Variants in GRHL2 observed in about 807,000 individuals in gnomAD.
GRHL2 encodes the protein grainyhead-like protein 2 homolog.
A neutral mutation model predicts 83.8 loss-of-function variants in GRHL2; 21 were observed. The ratio of observed to expected loss-of-function variants is 0.25; its 90% CI spans 0.18 to 0.36. The LOEUF (loss-of-function observed/expected upper bound fraction) is 0.36. Ranked by LOEUF, GRHL2 falls within the 10% of genes least tolerant of loss-of-function variation. The pLI is 1.00. For synonymous variants in GRHL2, 280 were observed against 278.9 expected, an observed-to-expected ratio of 1.00 and a Z score of -0.04; for missense variants, 623 against 781.8, an observed-to-expected ratio of 0.80 and a Z score of 2.42.
chr8:101,673,095 A>T (rs1459488073), downstream of GRHL2, among the ~76,000 whole-genome samples: 12 of 151,420 alleles, frequency 7.9e-5, no homozygotes, highest in Non-Finnish European at 1.5e-5. Flanking sequence ...GCCGCTGCAA[A>T]ATCATGCCAA....
At chr8:101,606,453 G>A (rs1812636546) in intron 8 of GRHL2, among the ~76,000 whole-genome samples, 2 of 152,238 alleles carry the variant, frequency 1.3e-5, no homozygotes, top group Admixed American at 1.3e-4. Flanking sequence ...CTGAGAGCCA[G>A]TCTCAGGGAG....
chr8:101,520,042 C>T (rs1159060345), intron 1 of GRHL2, among the ~76,000 whole-genome samples: 1 of 152,162 alleles, frequency 6.6e-6, no homozygotes, highest in Admixed American at 6.5e-5. Context: ...TTAGATCAAA[C>T]TTATCATAAA....
intron 3 of GRHL2, among the ~76,000 whole-genome samples, chr8:101,554,671 A>G (rs1307352898): frequency 3.9e-5 from 6 of 152,256 alleles, no homozygotes; most frequent in Admixed American, 3.9e-4. Flanking sequence ...ATATAGTATC[A>G]TTACAACTGT....
chr8:101,538,415 T>C (rs891193757), intron 1 of GRHL2, among the ~76,000 whole-genome samples: 8 of 151,914 alleles, frequency 5.3e-5, no homozygotes, highest in African/African-American at 1.2e-4. Flanking sequence ...AGAGAAGTCA[T>C]GGATTAAAGA....
chr8:101,586,065 C>CTTTTTT lies in GRHL2; in HGVS notation c.1003+8566_1003+8571dup, dbSNP rs67985027. Among the ~76,000 whole-genome samples the CTTTTTT allele has an allele frequency of 3.9e-3, 370 of 94,230 alleles. 41 individuals are homozygous for CTTTTTT. Among genetic ancestry groups the CTTTTTT allele is most frequent in the African/African-American group, 0.014 (331 of 23,210 alleles). 61.8% of individuals were successfully genotyped at this position (94,230 alleles called of 152,430 possible). Reference sequence around the variant, plus strand: ...TCTTCTTTCCTTCCACCTCATGTTTCTTTTTTTTTTTTTTTTTTTTTTTTT... The same window carrying CTTTTTT: ...TCTTCTTTCCTTCCACCTCATGTTTCTTTTTTTTTTTTTTTTTTTTTTTTTTTTTTT... On this transcript the variant is annotated intron_variant, in intron 7 of 15. Transcript: ENST00000646743.
chr8:101,558,769 C>A lies in GRHL2; in HGVS notation c.635C>A (p.Pro212Gln), dbSNP rs1202888034. The stretch of plus-strand genomic sequence containing the variant: ...CTCAAAGACGACCAGCGCAGCACTC[C>A]GGACAGCACATACAGCGAGAGCTTC... ...AYLKDDQRSTPDSTYSESFKD... is the reference protein window; with the variant it reads ...AYLKDDQRSTQDSTYSESFKD... Residue 212 changes from proline to glutamine, a missense_variant, in exon 4 of 16, where the codon CCG (proline) becomes CAG (glutamine). Pro to Gln is a moderately conservative substitution (Grantham distance 76). Around this residue, in one of 8 missense-constraint regions of GRHL2, gnomAD observed 239 missense variants for 240.5 expected, o/e 0.99. Transcript: ENST00000646743. 1.9e-6 allele frequency: 3 copies of A among 1,614,110 alleles called. No individual in the cohort carries two copies. Among genetic ancestry groups the A allele is most frequent in the South Asian group, 1.1e-5 (1 of 91,068 alleles).
At chr8:101,550,650 G>A (rs1047887453) in intron 2 of GRHL2, among the ~76,000 whole-genome samples, 4 of 152,176 alleles carry the variant, frequency 2.6e-5, no homozygotes, top group African/African-American at 9.7e-5. Flanking sequence ...TAAGTGTCCA[G>A]TTCTGTGGCA....
chr8:101,538,197 A>G (rs1441468539), intron 1 of GRHL2, among the ~76,000 whole-genome samples: 2 of 152,172 alleles, frequency 1.3e-5, no homozygotes, highest in African/African-American at 4.8e-5. Context: ...GGAAAATGTT[A>G]TGTGTTAAGC....
chr8:101,651,913 A>G (rs577434370), intron 14 of GRHL2, among the ~76,000 whole-genome samples: 1 of 152,312 alleles, frequency 6.6e-6, no homozygotes, highest in African/African-American at 2.4e-5. Flanking sequence ...TGCAAATGGG[A>G]AAGCTGTGCA....
intron 2 of GRHL2, among the ~76,000 whole-genome samples, chr8:101,549,931 A>T (rs902707379): frequency 1.3e-5 from 2 of 151,826 alleles, no homozygotes; most frequent in South Asian, 4.2e-4. Flanking sequence ...CACTATAGGA[A>T]TAACTATATT....
chr8:101,568,713 AT>A (rs1201292641), intron 4 of GRHL2, among the ~76,000 whole-genome samples: 1 of 152,078 alleles, frequency 6.6e-6, no homozygotes, highest in Non-Finnish European at 1.5e-5. Flanking sequence ...GCCCCAGAAA[AT>A]TCCCATTGAA....
downstream of GRHL2, among the ~76,000 whole-genome samples, chr8:101,671,968 C>T (rs1235755584): frequency 1.3e-5 from 2 of 152,110 alleles, no homozygotes; most frequent in Non-Finnish European, 2.9e-5. Flanking sequence ...TTCTAGCAAA[C>T]TCCAACAGAC....
intron 14 of GRHL2, among the ~76,000 whole-genome samples, chr8:101,664,062 T>A (rs1813987775): frequency 6.6e-6 from 1 of 152,246 alleles, no homozygotes; most frequent in South Asian, 2.1e-4. Flanking sequence ...TCTACTTTTA[T>A]GGTTTCATCT....
intron 2 of GRHL2, among the ~76,000 whole-genome samples, chr8:101,545,728 G>T (rs59686866): frequency 6.6e-6 from 1 of 151,964 alleles, no homozygotes; most frequent in African/African-American, 2.4e-5. Context: ...CTCATCCTTA[G>T]AAAGAAATTG....
intron 9 of GRHL2, among the ~76,000 whole-genome samples, chr8:101,623,673 GACAGTTT>G (rs1486058754): frequency 1.3e-5 from 2 of 150,992 alleles, no homozygotes; most frequent in African/African-American, 4.9e-5. Flanking sequence ...TACACAGTAG[GACAGTTT>G]ACAGTACACA....
intron 4 of GRHL2, among the ~76,000 whole-genome samples, chr8:101,564,423 G>C (rs924193249): frequency 3.9e-5 from 6 of 152,176 alleles, no homozygotes; most frequent in African/African-American, 1.4e-4. Flanking sequence ...GTGTGTATGT[G>C]CACGTGCATG....
chr8:101,639,632 C>T (rs1340941550), intron 12 of GRHL2, among the ~76,000 whole-genome samples: 4 of 152,232 alleles, frequency 2.6e-5, no homozygotes, highest in Non-Finnish European at 5.9e-5. Context: ...TATTGAGAGA[C>T]AGGCCCTCCC....
At chr8:101,648,613 A>G (rs1813560460) in intron 13 of GRHL2, among the ~76,000 whole-genome samples, 4 of 152,168 alleles carry the variant, frequency 2.6e-5, no homozygotes, top group South Asian at 2.1e-4. Context: ...GGCCCACAGC[A>G]GGGGTTGCAC....
intron 1 of GRHL2, among the ~76,000 whole-genome samples, chr8:101,496,158 A>G (rs945541113): frequency 2.0e-5 from 3 of 151,620 alleles, no homozygotes; most frequent in African/African-American, 7.3e-5. Flanking sequence ...AAAAAAAAAA[A>G]AAAAAAATAC....
Sources: gnomAD v4.1 joint callset for allele counts (sites outside exome capture counted in the v4.1 genomes callset) on GRCh38, gnomAD v4.1.1 for gene constraint, gnomAD v4.1.1 regional missense constraint, MANE v1.5 for transcripts, NCBI Gene and HGNC (gene_info 2026-07-23, HGNC 2026-07-21) for gene names.